The following AGMO variants were observed in gnomAD, a reference collection of about 807,000 sequenced individuals.
AGMO encodes the protein glyceryl-ether monooxygenase.
Under a neutral mutation model 60.2 loss-of-function variants are expected in AGMO, and 75 were observed. The ratio of observed to expected loss-of-function variants is 1.25; its 90% CI spans 1.03 to 1.51. The LOEUF (loss-of-function observed/expected upper bound fraction) is 1.51. AGMO is among the 40% of genes most tolerant of loss of function. The pLI is 0.00. For missense variants in AGMO, 763 were observed against 525.5 expected (o/e 1.45, Z -4.42); for synonymous variants, 261 against 177.1 (o/e 1.47, Z -3.76).
At chr7:15,126,364 T>A in the AGMO span, among the ~76,000 whole-genome samples, 2 of 152,112 alleles carry the variant, frequency 1.3e-5, no homozygotes, top group African/African-American at 4.8e-5. Flanking sequence ...TTTATATGAA[T>A]CATAGAGCAT....
chr7:15,161,209 T>C, the AGMO span, among the ~76,000 whole-genome samples: 11 of 152,112 alleles, frequency 7.2e-5, no homozygotes, highest in South Asian at 2.1e-4. Flanking sequence ...TCACAAGAGA[T>C]TCATATTTAA....
In AGMO at chr7:15,334,241, A is replaced by G. The variant is rs548298432; in HGVS notation, c.1263+31273T>C. On this transcript the variant is annotated intron_variant, in intron 12 of 12. Coordinates refer to ENST00000342526, the MANE Select transcript of AGMO (RefSeq NM_001004320.2). The stretch of plus-strand genomic sequence containing the variant: ...ATTGAAATGACATATAGAAATGTAA[A>G]ATCTGAAATCTTTCTGAAGTTTTTA... 3.3e-5 allele frequency among the ~76,000 whole-genome samples: 5 copies of G among 152,210 alleles called. No individual in the cohort carries two copies. In the East Asian group the frequency reaches 9.7e-4, roughly 29 times the overall value.
At chr7:15,392,905 C>A (rs1240423845) in intron 6 of AGMO, among the ~76,000 whole-genome samples, 1 of 152,220 alleles carries the variant, frequency 6.6e-6, no homozygotes, top group South Asian at 2.1e-4. Flanking sequence ...AAAGCACTTA[C>A]ATCAGCCTGC....
chr7:15,420,992 C>T (rs1037643106), intron 4 of AGMO, among the ~76,000 whole-genome samples: 11 of 152,238 alleles, frequency 7.2e-5, no homozygotes, highest in Middle Eastern at 3.4e-3. Context: ...AGCCTGAAGG[C>T]GATCTAAGGC....
intron 12 of AGMO, among the ~76,000 whole-genome samples, chr7:15,286,395 A>C (rs1422540702): frequency 6.6e-6 from 1 of 152,126 alleles, no homozygotes; most frequent in East Asian, 1.9e-4. Context: ...AAATAATCCC[A>C]TCAAAAAGTG....
chr7:15,544,370 T>A (rs1382677689), intron 3 of AGMO, among the ~76,000 whole-genome samples: 1 of 151,944 alleles, frequency 6.6e-6, no homozygotes, highest in Non-Finnish European at 1.5e-5. Context: ...CCTATTGCAA[T>A]AAAAAATTAA....
At position 15,391,448 on chromosome 7, in the gene AGMO, T is replaced by A. The variant is rs540568920; in HGVS notation, c.677-543A>T. On this transcript the variant is annotated intron_variant, in intron 6 of 12. Coordinates refer to ENST00000342526, the MANE Select transcript of AGMO (RefSeq NM_001004320.2). ...AAACTCATATCATATGTATTTTTCC[T>A]GCCGCTAAATAATTATAATGCAAAT... Among the ~76,000 whole-genome samples, 332 of 152,292 alleles carry A rather than the reference T, an allele frequency of 2.2e-3. 1 individual carries two copies. Among genetic ancestry groups the A allele is most frequent in the African/African-American group, 7.4e-3 (308 of 41,580 alleles).
chr7:15,342,779 C>CAA (rs780336320), intron 12 of AGMO, among the ~76,000 whole-genome samples: 4,349 of 61,540 alleles, frequency 0.071, 596 homozygotes, highest in Admixed American at 0.11. Context: ...AGTATAGCTG[C>CAA]AAAAAAAAAA....
At chr7:15,286,992 T>G (rs1784116384) in intron 12 of AGMO, among the ~76,000 whole-genome samples, 1 of 152,166 alleles carries the variant, frequency 6.6e-6, no homozygotes, top group African/African-American at 2.4e-5. Flanking sequence ...AAATACCATA[T>G]GCTTTCACTT....
chr7:15,371,912 AATT>A (rs927620244), intron 10 of AGMO, among the ~76,000 whole-genome samples: 19 of 142,262 alleles, frequency 1.3e-4, no homozygotes, highest in South Asian at 2.2e-4. Context: ...TTTAATATTA[AATT>A]ATTAAGTGTT....
downstream of AGMO, among the ~76,000 whole-genome samples, chr7:15,195,331 G>A (rs982046808): frequency 6.6e-6 from 1 of 152,054 alleles, no homozygotes; most frequent in Non-Finnish European, 1.5e-5. Flanking sequence ...TTTTTTCCTT[G>A]CAGGGAGAGA....
At position 15,252,177 on chromosome 7, in the gene AGMO, A is replaced by G. The variant is rs112471247; in HGVS notation, c.1264-50818T>C. ...AATCACAATAACAAACATAAATTAT[A>G]TAGTATGTAAGAAGTTGGTAAGTAT... On this transcript the variant is annotated intron_variant, in intron 12 of 12. Transcript: ENST00000342526. Among the ~76,000 whole-genome samples the G allele has an allele frequency of 5.2e-3, 797 of 152,326 alleles. 3 individuals are homozygous for G. Among genetic ancestry groups the G allele is most frequent in the African/African-American group, 0.016 (673 of 41,572 alleles).
At chr7:15,450,612 T>C (rs1172584926) in intron 3 of AGMO, among the ~76,000 whole-genome samples, 2 of 152,252 alleles carry the variant, frequency 1.3e-5, no homozygotes, top group East Asian at 3.9e-4. Flanking sequence ...AATAATATTA[T>C]GAATTTTGGT....
chr7:15,258,416 G>A (rs1269386639), intron 12 of AGMO, among the ~76,000 whole-genome samples: 2 of 151,710 alleles, frequency 1.3e-5, no homozygotes, highest in Non-Finnish European at 2.9e-5. Flanking sequence ...GTGGTGGCAG[G>A]CGCCTGTAGT....
At chr7:15,389,095 AG>A (rs1294969413) in intron 8 of AGMO, among the ~76,000 whole-genome samples, 2 of 152,178 alleles carry the variant, frequency 1.3e-5, no homozygotes, top group Non-Finnish European at 2.9e-5. Context: ...CGTTTTCCTC[AG>A]CAAGACTGTA....
intron 12 of AGMO, among the ~76,000 whole-genome samples, chr7:15,232,989 C>T (rs982908593): frequency 2.6e-5 from 4 of 151,938 alleles, no homozygotes; most frequent in Non-Finnish European, 4.4e-5. Context: ...TAAACAGAGG[C>T]TATAAAATAT....
chr7:15,333,563 G>T (rs1781562760), intron 12 of AGMO, among the ~76,000 whole-genome samples: 1 of 146,272 alleles, frequency 6.8e-6, no homozygotes, highest in African/African-American at 2.5e-5. Flanking sequence ...ATACCCTTTG[G>T]ATTACTTGAT....
intron 12 of AGMO, among the ~76,000 whole-genome samples, chr7:15,250,770 C>T (rs1483698502): frequency 2.0e-5 from 3 of 151,784 alleles, no homozygotes; most frequent in African/African-American, 7.3e-5. Context: ...GAGGTGAAAC[C>T]CCATCTCTAC....
intron 5 of AGMO, among the ~76,000 whole-genome samples, chr7:15,402,207 A>T (rs974638097): frequency 1.3e-5 from 2 of 152,100 alleles, no homozygotes; most frequent in African/African-American, 4.8e-5. Context: ...AATTAAATGA[A>T]CTAATATGTA....
Sources: allele counts gnomAD v4.1 joint callset (sites outside exome capture counted in the v4.1 genomes callset), GRCh38; gene constraint gnomAD v4.1.1; transcripts MANE v1.5; gene names NCBI Gene and HGNC (gene_info 2026-07-23, HGNC 2026-07-21).